Variants in TBC1D21 observed in about 807,000 individuals in gnomAD.
The protein encoded by TBC1D21 is male germ cell Rab GTPase-activating protein.
TBC1D21 carries 38 observed loss-of-function variants against 46.0 expected under a neutral mutation model. The observed-to-expected ratio is 0.83, with a 90% CI of 0.64 to 1.08. The LOEUF is 1.08. Ranked by LOEUF, TBC1D21 falls within the 50% of genes least tolerant of loss-of-function variation. TBC1D21 has a pLI of 0.00. For synonymous variants in TBC1D21, 151 were observed against 157.2 expected (o/e 0.96, Z 0.29); for missense variants, 415 against 417.9 (o/e 0.99, Z 0.06).
the TBC1D21 span, among the ~76,000 whole-genome samples, chr15:73,899,834 G>A: frequency 6.6e-6 from 1 of 152,152 alleles, no homozygotes; most frequent in African/African-American, 2.4e-5. Flanking sequence ...AAGTAAGTGG[G>A]GTAATTAAAA....
intron 7 of TBC1D21, 150 bp downstream of exon 7, chr15:73,886,324 G>C: frequency 1.1e-6 from 1 of 871,346 alleles, no homozygotes; most frequent in Non-Finnish European, 1.8e-6. Context: ...GGGTTATCTG[G>C]ATGGGGTTGG....
rs765443450 is a variant in TBC1D21, at chr15:73,886,104, C to T, written c.606C>T (p.Gly202=). The T allele has an allele frequency of 8.1e-6, 13 of 1,614,070 alleles. No individual in the cohort carries two copies. The highest frequency in any genetic ancestry group is 4.0e-5 in the African/African-American group (3 of 74,920). Residue 202 remains glycine (G), a synonymous_variant, in exon 7 of 11, where the codon GGC becomes GGT. Transcript: ENST00000300504. ...KTEHSCVINI[G]VAKNLDMLST... The stretch of plus-strand genomic sequence containing the variant: ...AACACAGCTGTGTCATCAACATTGG[C>T]GTGGCCAAGAACCTAGACATGCTCA...
intron 1 of TBC1D21, among the ~76,000 whole-genome samples, chr15:73,879,018 G>C (rs888526974): frequency 2.0e-5 from 3 of 152,132 alleles, no homozygotes; most frequent in Admixed American, 1.3e-4. Flanking sequence ...CCAGGGTTAG[G>C]CCCACACCGA....
At chr15:73,905,487 T>G in the TBC1D21 span, among the ~76,000 whole-genome samples, 1 of 152,180 alleles carries the variant, frequency 6.6e-6, no homozygotes, top group African/African-American at 2.4e-5. Flanking sequence ...GTCCCCGGAT[T>G]CAGGCACTTT....
chr15:73,878,235 C>A (rs1042054681), intron 1 of TBC1D21, among the ~76,000 whole-genome samples: 1 of 152,222 alleles, frequency 6.6e-6, no homozygotes, highest in Admixed American at 6.5e-5. Context: ...TCTGTTGCAA[C>A]TACTCAACTC....
At chr15:73,891,673 C>A (rs180988218), downstream of TBC1D21, among the ~76,000 whole-genome samples, 1 of 152,238 alleles carries the variant, frequency 6.6e-6, no homozygotes, top group Non-Finnish European at 1.5e-5. Context: ...ACTCCTGGTG[C>A]CCACTCTGAT....
At chr15:73,888,630 C>T (rs866133051) in intron 10 of TBC1D21, 117 bp downstream of exon 10, 1 of 730,516 alleles carries the variant, frequency 1.4e-6, no homozygotes, top group Non-Finnish European at 2.3e-6. Context: ...CCTCTTCTTC[C>T]TCCTCCTCTT....
intron 1 of TBC1D21, among the ~76,000 whole-genome samples, chr15:73,880,115 C>T (rs1236909183): frequency 4.6e-5 from 7 of 152,040 alleles, no homozygotes; most frequent in Non-Finnish European, 1.0e-4. Flanking sequence ...CCAGGCTGGT[C>T]TCGAACTGAC....
At chr15:73,891,711 G>C (rs909886821), downstream of TBC1D21, among the ~76,000 whole-genome samples, 15 of 152,242 alleles carry the variant, frequency 9.9e-5, no homozygotes, top group Non-Finnish European at 2.2e-4. Context: ...GCTGAGACCA[G>C]GTGCTGTCAC....
intron 7 of TBC1D21, 27 bp from the exon 8 acceptor site, chr15:73,886,485 C>A: frequency 1.9e-6 from 3 of 1,604,356 alleles, no homozygotes; most frequent in Non-Finnish European, 2.6e-6. Flanking sequence ...TTTCCCCTGA[C>A]CACAGCCTCA....
chr15:73,897,745 G>A, the TBC1D21 span, among the ~76,000 whole-genome samples: 1 of 152,226 alleles, frequency 6.6e-6, no homozygotes, highest in African/African-American at 2.4e-5. Context: ...AGCTGCTTTG[G>A]GTCTGAAAGG....
At chr15:73,876,457 A>T (rs1252503431) in intron 1 of TBC1D21, among the ~76,000 whole-genome samples, 1 of 142,676 alleles carries the variant, frequency 7.0e-6, no homozygotes, top group Non-Finnish European at 1.5e-5. Flanking sequence ...GTTGGTCAGG[A>T]TGGTCTCGAT....
At chr15:73,893,525 C>G (rs958113255), downstream of TBC1D21, among the ~76,000 whole-genome samples, 22 of 152,324 alleles carry the variant, frequency 1.4e-4, no homozygotes, top group Admixed American at 7.8e-4. Context: ...TTCATTTATT[C>G]CTTCTTCTCT....
the TBC1D21 span, among the ~76,000 whole-genome samples, chr15:73,898,880 A>AATATATATATATATAT: frequency 1.2e-3 from 70 of 56,758 alleles, no homozygotes; most frequent in African/African-American, 1.5e-3. Flanking sequence ...AAAAAAAAAA[A>AATATATATATATATAT]ATATATATAT....
rs770297860 is a variant in TBC1D21, at chr15:73,884,898, C to T, written c.478+7C>T. 1 of 1,613,486 alleles carries T rather than the reference C, an allele frequency of 6.2e-7. No individual in the cohort carries two copies. Among genetic ancestry groups the T allele is most frequent in the Admixed American group, 1.7e-5 (1 of 60,000 alleles). Reference sequence around the variant, plus strand: ...GTCTGCAACACGCAGGCAGGTGAGCCTCAGCCTCCCCTTGTCAATGCCCTC... The same window carrying T: ...GTCTGCAACACGCAGGCAGGTGAGCTTCAGCCTCCCCTTGTCAATGCCCTC... On this transcript the variant is annotated splice_region_variant and intron_variant, in intron 5 of 10. Coordinates refer to ENST00000300504, the MANE Select transcript of TBC1D21 (RefSeq NM_153356.3).
At chr15:73,900,907 G>A in the TBC1D21 span, among the ~76,000 whole-genome samples, 2 of 152,136 alleles carry the variant, frequency 1.3e-5, no homozygotes, top group African/African-American at 4.8e-5. Flanking sequence ...AATAGCTACG[G>A]TTATTCCTAG....
rs754519110 is a variant in TBC1D21, at chr15:73,886,520, G to C, written c.685G>C (p.Gly229Arg). 6.2e-7 allele frequency: 1 copy of C among 1,613,700 alleles called. No homozygotes were observed. Reference protein sequence around the residue: ...PVFAEHLKGKGAGAVQSLFPW... With the variant: ...PVFAEHLKGKRAGAVQSLFPW... ...ACCTTCTCTCCCCACAGAAGGGAAG[G>C]GTGCAGGGGCTGTGCAGTCCCTCTT... The change falls in exon 8 of 11, where the codon GGT (glycine) becomes CGT (arginine). Residue 229 changes from glycine to arginine, a missense_variant. Physicochemically the swap from Gly to Arg is moderately radical, Grantham distance 125. Transcript: ENST00000300504.
the TBC1D21 span, among the ~76,000 whole-genome samples, chr15:73,897,645 C>A: frequency 6.6e-6 from 1 of 152,192 alleles, no homozygotes; most frequent in African/African-American, 2.4e-5. Flanking sequence ...GGACCAGGCA[C>A]CCTGCCCAGG....
At chr15:73,880,036 A>G (rs1402331742) in intron 1 of TBC1D21, among the ~76,000 whole-genome samples, 2 of 152,060 alleles carry the variant, frequency 1.3e-5, no homozygotes, top group East Asian at 3.9e-4. Flanking sequence ...AGCTGGGATT[A>G]CCGGCATGCG....
Sources: allele counts gnomAD v4.1 joint callset (sites outside exome capture counted in the v4.1 genomes callset), GRCh38; gene constraint gnomAD v4.1.1; transcripts MANE v1.5; gene names NCBI Gene and HGNC (gene_info 2026-07-23, HGNC 2026-07-21).